PIK3C2G: variants seen among roughly 807,000 people sequenced by gnomAD.
The protein encoded by PIK3C2G is phosphatidylinositol 3-kinase C2 domain-containing subunit gamma.
A neutral mutation model predicts 181.1 loss-of-function variants in PIK3C2G; 168 were observed. That is an observed-to-expected ratio of 0.93 (90% CI 0.82 to 1.05). The LOEUF (loss-of-function observed/expected upper bound fraction) is 1.05. PIK3C2G is among the 50% of genes least tolerant of loss of function. The probability of loss-of-function intolerance (pLI) is 0.00; values close to 1 mark genes in which losing one functional copy is unlikely to be tolerated. For synonymous variants in PIK3C2G, 573 were observed against 592.2 expected (o/e 0.97, Z 0.47); for missense variants, 1,869 against 1,732.8 (o/e 1.08, Z -1.40).
At chr12:18,381,629 A>G (rs2137966045) in intron 13 of PIK3C2G, 137 bp from the exon 14 acceptor site, 1 of 572,528 alleles carries the variant, frequency 1.7e-6, no homozygotes, top group South Asian at 2.4e-5. Flanking sequence ...GGACTATCTC[A>G]TTTCTTTTCT....
intron 26 of PIK3C2G, among the ~76,000 whole-genome samples, chr12:18,562,298 A>AT (rs1393490570): frequency 6.6e-6 from 1 of 151,808 alleles, no homozygotes; most frequent in African/African-American, 2.4e-5. Context: ...CGCCCGGCTA[A>AT]TTTTTTTGTA....
intron 24 of PIK3C2G, among the ~76,000 whole-genome samples, chr12:18,528,379 A>G (rs1346600256): frequency 6.6e-6 from 1 of 152,210 alleles, no homozygotes; most frequent in African/African-American, 2.4e-5. Flanking sequence ...ATATACATTA[A>G]TGTTATTATT....
At chr12:18,654,126 A>G in the PIK3C2G span, among the ~76,000 whole-genome samples, 2 of 152,148 alleles carry the variant, frequency 1.3e-5, no homozygotes, top group Non-Finnish European at 1.5e-5. Flanking sequence ...TTGGGATCTC[A>G]AAACACAGAC....
intron 18 of PIK3C2G, among the ~76,000 whole-genome samples, chr12:18,467,712 A>C (rs974503665): frequency 3.3e-5 from 5 of 151,980 alleles, no homozygotes; most frequent in Non-Finnish European, 7.4e-5. Context: ...AGCCATCTCT[A>C]AAACTGCATC....
At chr12:18,294,095 A>T (rs1199935376) in intron 5 of PIK3C2G, 80 bp downstream of exon 5, 1 of 677,128 alleles carries the variant, frequency 1.5e-6, no homozygotes, top group Non-Finnish European at 2.6e-6. Context: ...TGTTTTAAAC[A>T]GACTTTACAC....
chr12:18,649,875 C>A (rs1401362228), downstream of PIK3C2G, among the ~76,000 whole-genome samples: 3 of 152,030 alleles, frequency 2.0e-5, no homozygotes, highest in South Asian at 2.1e-4. Flanking sequence ...GCTTCGTTGC[C>A]TTTTTGTTTC....
chr12:18,440,084 T>C (rs998386179), intron 18 of PIK3C2G, among the ~76,000 whole-genome samples: 2 of 152,124 alleles, frequency 1.3e-5, no homozygotes, highest in Non-Finnish European at 1.5e-5. Flanking sequence ...GGACTCATTT[T>C]TCTCAGGCAC....
At chr12:18,723,522 T>A in the PIK3C2G span, 1 of 1,612,372 alleles carries the variant, frequency 6.2e-7, no homozygotes, top group South Asian at 1.1e-5. Flanking sequence ...TGATTCTTCC[T>A]TGTTTCAGCC....
chr12:18,497,025 C>G (rs1292324456), intron 21 of PIK3C2G, among the ~76,000 whole-genome samples: 1 of 152,162 alleles, frequency 6.6e-6, no homozygotes, highest in Non-Finnish European at 1.5e-5. Flanking sequence ...TGGACATATG[C>G]AATCTCCTTA....
chr12:18,692,927 A>G, the PIK3C2G span: 2 of 1,566,042 alleles, frequency 1.3e-6, no homozygotes, highest in Non-Finnish European at 1.8e-6. Context: ...GCAAACTGCC[A>G]CTGGTGACAC....
intron 9 of PIK3C2G, among the ~76,000 whole-genome samples, chr12:18,341,063 T>C (rs1939094167): frequency 6.6e-6 from 1 of 152,210 alleles, no homozygotes; most frequent in Admixed American, 6.5e-5. Context: ...CTTCGACTTT[T>C]ATGTCCAGTT....
In PIK3C2G at chr12:18,377,902, G is replaced by A. The variant is rs1406274093; in HGVS notation, c.1881-3864G>A. 2.0e-5 allele frequency among the ~76,000 whole-genome samples: 3 copies of A among 152,092 alleles called. No homozygotes were observed. The South Asian group carries it at 6.2e-4, about 32-fold the overall frequency. ...ATGGAGTTTCACTCTCGTTGCCCAG[G>A]CTGGAGTGCAATGGTGTGATCTCAG... is the stretch of plus-strand genomic sequence containing the variant. On this transcript the variant is annotated intron_variant, in intron 13 of 32. Coordinates refer to ENST00000538779, the MANE Select transcript of PIK3C2G (RefSeq NM_001288772.2).
In PIK3C2G at chr12:18,505,433, C is replaced by A; in HGVS notation, c.3295C>A (p.His1099Asn). Reference sequence around the variant, plus strand: ...TATTGACTTTGGAAAATTCTTAGGTCATGCACAAACATTTGGAGGGATAAA... The same window carrying A: ...TATTGACTTTGGAAAATTCTTAGGTAATGCACAAACATTTGGAGGGATAAA... ...FHIDFGKFLGHAQTFGGIKRD... is the reference protein window; with the variant it reads ...FHIDFGKFLGNAQTFGGIKRD... Residue 1099 changes from histidine (H) to asparagine (N), a missense_variant, in exon 24 of 33, where the codon CAT becomes AAT. By Grantham distance (68) the His-to-Asn change is moderately conservative. Transcript: ENST00000538779. 1 of 1,613,114 alleles carries A rather than the reference C, an allele frequency of 6.2e-7. No individual in the cohort carries two copies.
intron 15 of PIK3C2G, among the ~76,000 whole-genome samples, chr12:18,395,352 T>G (rs76072913): frequency 1.4e-5 from 2 of 143,654 alleles, no homozygotes; most frequent in African/African-American, 5.2e-5. Flanking sequence ...CAAAAGGAGG[T>G]TGAATACTAT....
At chr12:18,248,970 A>G (rs1948069422) in intron 1 of PIK3C2G, among the ~76,000 whole-genome samples, 1 of 151,940 alleles carries the variant, frequency 6.6e-6, no homozygotes, top group Non-Finnish European at 1.5e-5. Context: ...TGTTATTAGG[A>G]CTCTAGCGCA....
At chr12:18,686,557 A>G in the PIK3C2G span, among the ~76,000 whole-genome samples, 1 of 152,004 alleles carries the variant, frequency 6.6e-6, no homozygotes, top group Non-Finnish European at 1.5e-5. Flanking sequence ...TTCATATTTT[A>G]AGACTTATAT....
At chr12:18,576,890 G>C (rs923012830) in intron 29 of PIK3C2G, among the ~76,000 whole-genome samples, 1 of 152,182 alleles carries the variant, frequency 6.6e-6, no homozygotes, top group African/African-American at 2.4e-5. Context: ...AGCTGTAAAG[G>C]AAAGTGCTAA....
intron 5 of PIK3C2G, among the ~76,000 whole-genome samples, chr12:18,297,934 T>G (rs1950011940): frequency 6.6e-6 from 1 of 152,052 alleles, no homozygotes; most frequent in Non-Finnish European, 1.5e-5. Context: ...CATTGATGAA[T>G]ACTTAGGTTG....
intron 7 of PIK3C2G, 109 bp downstream of exon 7, chr12:18,321,141 G>A (rs1951091482): frequency 1.6e-6 from 1 of 628,848 alleles, no homozygotes; most frequent in Non-Finnish European, 2.8e-6. Flanking sequence ...CTGGGACTGT[G>A]GAAGCTATTG....
Sources: gnomAD v4.1 joint callset for allele counts (sites outside exome capture counted in the v4.1 genomes callset) on GRCh38, gnomAD v4.1.1 for gene constraint, MANE v1.5 for transcripts, NCBI Gene and HGNC (gene_info 2026-07-23, HGNC 2026-07-21) for gene names.